PSMF1: variants seen among roughly 807,000 people sequenced by gnomAD.
The protein encoded by PSMF1 is proteasome inhibitor subunit 1, also known as proteasome inhibitor PI31 subunit.
PSMF1 carries 30 observed loss-of-function variants against 29.3 expected under a neutral mutation model. The ratio of observed to expected loss-of-function variants is 1.02; its 90% CI spans 0.77 to 1.39. PSMF1 has a LOEUF of 1.39. Ranked by LOEUF, PSMF1 falls within the 40% of genes most tolerant of loss-of-function variation. The pLI is 0.00. For synonymous variants in PSMF1, 134 were observed against 139.7 expected (o/e 0.96, Z 0.29); for missense variants, 344 against 357.5 (o/e 0.96, Z 0.31).
chr20:1,119,016 T>A, intron 1 of PSMF1, 114 bp downstream of exon 1: 1 of 1,406,688 alleles, frequency 7.1e-7, no homozygotes, highest in Non-Finnish European at 9.6e-7. Flanking sequence ...GTGCAGGGTC[T>A]GGGGCAGATG....
In PSMF1 at chr20:1,167,094, A is replaced by C. The variant is rs1568486583; in HGVS notation, c.*2014A>C. 1 of 152,184 alleles carries C rather than the reference A, an allele frequency of 6.6e-6. No individual in the cohort carries two copies. The highest frequency in any genetic ancestry group is 1.5e-5 in the Non-Finnish European group (1 of 68,036). The allele number at this position is 152,184 out of a possible 1,614,324, so 9.4% of individuals were successfully genotyped here. A position where few individuals can be genotyped will look rare whatever the true frequency, so the allele number is the denominator to read the frequency against. ...CCATTTTTTTTGTGAGTTTCCTTGC[A>C]TCAAGGACACTGAGAAACACAGTCA... On this transcript the variant is annotated 3_prime_UTR_variant, in exon 7 of 7. Coordinates refer to ENST00000335877, the MANE Select transcript of PSMF1 (RefSeq NM_006814.5).
At chr20:1,159,356 T>C (rs2086637538) in intron 4 of PSMF1, among the ~76,000 whole-genome samples, 1 of 152,002 alleles carries the variant, frequency 6.6e-6, no homozygotes, top group South Asian at 2.1e-4. Flanking sequence ...AGACATGGTT[T>C]TGCTATGCTG....
Position 1,137,939 on chromosome 20 carries a change from G to A in PSMF1, c.551+2633G>A, listed in dbSNP as rs534027720. On this transcript the variant is annotated intron_variant, in intron 4 of 6. Coordinates refer to ENST00000335877, the MANE Select transcript of PSMF1 (RefSeq NM_006814.5). ...CGCCAAAAGAGTAAGGTGTTGGGGA[G>A]GGGAAGTATAAGTAAAATAAGAATG... Among the ~76,000 whole-genome samples, 244 of 152,302 alleles carry A rather than the reference G, an allele frequency of 1.6e-3. 3 individuals are homozygous for A. Among genetic ancestry groups the A allele is most frequent in the African/African-American group, 5.7e-3 (235 of 41,558 alleles).
intron 1 of PSMF1, among the ~76,000 whole-genome samples, chr20:1,124,491 T>C (rs2086128448): frequency 1.3e-5 from 2 of 152,206 alleles, no homozygotes; most frequent in African/African-American, 2.4e-5. Context: ...AGTAACTCTT[T>C]AGAAAACAAC....
At position 1,118,728 on chromosome 20, in the gene PSMF1, AC is replaced by A; in HGVS notation, c.-41del. 1 of 1,591,878 alleles carries A rather than the reference AC, an allele frequency of 6.3e-7. No individual in the cohort carries two copies. The highest frequency in any genetic ancestry group is 8.6e-7 in the Non-Finnish European group (1 of 1,167,650). ...GGCCGCGGAGCCGGCTCACTGCACT[AC>A]CCCCGCCCCCTTCTTTCCTCCAGAC... On this transcript the variant is annotated 5_prime_UTR_variant, in exon 1 of 7. Coordinates refer to ENST00000335877, the MANE Select transcript of PSMF1 (RefSeq NM_006814.5).
At position 1,166,154 on chromosome 20, in the gene PSMF1, C is replaced by T. The variant is rs923332108; in HGVS notation, c.*1074C>T. 6.9e-6 allele frequency: 11 copies of T among 1,588,784 alleles called. No homozygotes were observed. The highest frequency in any genetic ancestry group is 3.3e-4 in the Middle Eastern group (2 of 6,014). Reference sequence around the variant, plus strand: ...TGCCTCTGAGTGTGGTGTTGAACTTCGGGAGGAGCAGGGAGCCCTGCACCT... The same window carrying T: ...TGCCTCTGAGTGTGGTGTTGAACTTTGGGAGGAGCAGGGAGCCCTGCACCT... On this transcript the variant is annotated 3_prime_UTR_variant, in exon 7 of 7. Transcript: ENST00000335877.
chr20:1,132,554 C>T (rs867286486), intron 3 of PSMF1, among the ~76,000 whole-genome samples: 2 of 152,062 alleles, frequency 1.3e-5, no homozygotes, highest in Non-Finnish European at 2.9e-5. Flanking sequence ...GGATTACAGA[C>T]GTGAGCCACC....
chr20:1,122,211 C>G (rs922791005), intron 1 of PSMF1, among the ~76,000 whole-genome samples: 1 of 152,152 alleles, frequency 6.6e-6, no homozygotes, highest in South Asian at 2.1e-4. Context: ...CCAAGCACAG[C>G]CCTACACCTG....
At chr20:1,143,523 C>T (rs1402540664) in intron 4 of PSMF1, among the ~76,000 whole-genome samples, 1 of 152,184 alleles carries the variant, frequency 6.6e-6, no homozygotes, top group African/African-American at 2.4e-5. Flanking sequence ...TACCACAGCA[C>T]TCCTAGAAGA....
intron 4 of PSMF1, chr20:1,160,806 AT>A: frequency 2.3e-6 from 1 of 440,668 alleles, no homozygotes; most frequent in Non-Finnish European, 4.6e-6. Context: ...CGAGCACAGG[AT>A]TTTCACCAGC....
Position 1,171,651 on chromosome 20 carries a change from T to G in PSMF1, c.*6571T>G, listed in dbSNP as rs2086791156. ...GCTAGGCTGAGTGTTAAGAGGAAGG[T>G]GCCATACAGGTTCAGCACCCTGGTC... On this transcript the variant is annotated 3_prime_UTR_variant, in exon 7 of 7. Coordinates refer to ENST00000335877, the MANE Select transcript of PSMF1 (RefSeq NM_006814.5). Among the ~76,000 whole-genome samples the G allele has an allele frequency of 6.6e-6, 1 of 152,110 alleles. No homozygotes were observed. The highest frequency in any genetic ancestry group is 2.4e-5 in the African/African-American group (1 of 41,426).
chr20:1,137,530 G>A (rs2086322611), intron 4 of PSMF1, among the ~76,000 whole-genome samples: 1 of 152,148 alleles, frequency 6.6e-6, no homozygotes. Context: ...AGTCAAACAG[G>A]TGCATGAGGA....
chr20:1,130,971 T>C (rs2143226), intron 3 of PSMF1, among the ~76,000 whole-genome samples: 18,027 of 152,238 alleles, frequency 0.12, 1,199 homozygotes, highest in African/African-American at 0.17. Context: ...GGGTGTCTTC[T>C]GCATGCAATA....
chr20:1,126,792 T>C (rs2122472476), intron 2 of PSMF1, among the ~76,000 whole-genome samples: 1 of 152,168 alleles, frequency 6.6e-6, no homozygotes, highest in South Asian at 2.1e-4. Context: ...GGCAGGAGCA[T>C]CCCTTGAACC....
At chr20:1,139,185 C>G (rs936150226) in intron 4 of PSMF1, among the ~76,000 whole-genome samples, 1 of 151,870 alleles carries the variant, frequency 6.6e-6, no homozygotes, top group African/African-American at 2.4e-5. Flanking sequence ...AACACACATA[C>G]GAAAAGAACA....
At chr20:1,147,179 C>CATCATCATCGT (rs869221637) in intron 4 of PSMF1, among the ~76,000 whole-genome samples, 15 of 126,170 alleles carry the variant, frequency 1.2e-4, no homozygotes, top group African/African-American at 3.6e-4. Flanking sequence ...ATCATCATCA[C>CATCATCATCGT]CACCCTGTGT....
chr20:1,130,669 C>T (rs947768776), intron 3 of PSMF1, among the ~76,000 whole-genome samples: 1 of 152,066 alleles, frequency 6.6e-6, no homozygotes, highest in African/African-American at 2.4e-5. Context: ...CCTCTGTTGC[C>T]CAGGCAGGCT....
At chr20:1,135,403 T>C in intron 4 of PSMF1, 97 bp downstream of exon 4, 1 of 1,287,676 alleles carries the variant, frequency 7.8e-7, no homozygotes, top group Non-Finnish European at 1.1e-6. Flanking sequence ...CTGGCCCGTA[T>C]GTGTTTTCAA....
intron 4 of PSMF1, among the ~76,000 whole-genome samples, chr20:1,142,190 G>T (rs1440360160): frequency 1.3e-5 from 2 of 152,170 alleles, no homozygotes; most frequent in African/African-American, 2.4e-5. Flanking sequence ...CCACACCACT[G>T]CACTCCAGCC....
Sources: allele counts gnomAD v4.1 joint callset (sites outside exome capture counted in the v4.1 genomes callset), GRCh38; gene constraint gnomAD v4.1.1; transcripts MANE v1.5; gene names NCBI Gene and HGNC (gene_info 2026-07-23, HGNC 2026-07-21).